Variants in ZNF473 observed in about 807,000 individuals in gnomAD.
ZNF473 encodes zinc finger protein 473, also known as zinc finger protein 100 homolog.
A neutral mutation model predicts 11.1 loss-of-function variants in ZNF473; 4 were observed. The ratio of observed to expected loss-of-function variants is 0.36; its 90% CI spans 0.18 to 0.82. The LOEUF is 0.82. Among genes scored for constraint, ZNF473 ranks in the 40% least tolerant of loss-of-function variants. The probability of loss-of-function intolerance (pLI) is 0.49; values close to 1 mark genes in which losing one functional copy is unlikely to be tolerated. For synonymous variants in ZNF473, 404 were observed against 390.4 expected (o/e 1.03, Z -0.41); for missense variants, 854 against 1,084.0 (o/e 0.79, Z 2.98).
In ZNF473 at chr19:50,045,502, G is replaced by A; in HGVS notation, c.1059G>A (p.Gln353=). The A allele has an allele frequency of 6.2e-7, 1 of 1,614,168 alleles. No homozygotes were observed. The highest frequency in any genetic ancestry group is 1.1e-5 in the South Asian group (1 of 91,088). ...TRKRYECSKC[Q]ATFNLRKHLI... is the part of the protein sequence containing the mutation. ...AACGCTATGAGTGTTCCAAGTGCCA[G>A]GCGACCTTCAACTTGAGAAAACACC... is the stretch of plus-strand genomic sequence containing the variant. The change falls in exon 5 of 5, where the codon CAG becomes CAA. Residue 353 remains glutamine, a synonymous_variant. Transcript: ENST00000270617.
intron 3 of ZNF473, among the ~76,000 whole-genome samples, chr19:50,040,002 G>C (rs991503793): frequency 6.6e-6 from 1 of 152,272 alleles, no homozygotes; most frequent in South Asian, 2.1e-4. Flanking sequence ...AAGAAGCTGG[G>C]TTGTCCCTCT....
Position 50,039,738 on chromosome 19 carries a change from C to G in ZNF473, c.136+451C>G, listed in dbSNP as rs1978669701. On this transcript the variant is annotated intron_variant, in intron 3 of 4. Transcript: ENST00000270617. This position sits in a 1 kb window ranked among gnomAD's most constrained non-coding sequence, Gnocchi z 4.8. ...CCCTCTGCCTAAGCGGCTCTCAGGG[C>G]TTACATTTTTAAAGTTTAACCTGGG... Among the ~76,000 whole-genome samples the G allele has an allele frequency of 6.6e-6, 1 of 152,238 alleles. No individual in the cohort carries two copies. The highest frequency in any genetic ancestry group is 2.1e-4 in the South Asian group (1 of 4,836).
At position 50,039,069 on chromosome 19, in the gene ZNF473, T is replaced by C; in HGVS notation, c.10-92T>C. On this transcript the variant is annotated intron_variant, in intron 2 of 4. Transcript: ENST00000270617. The surrounding 1 kb of genome is among the most constrained non-coding windows in gnomAD (Gnocchi z 4.8). ...GATGGGATGGTTTTTGCCAAAGCCC[T>C]GGCAGATTGAGGGCTGGGAGTGCCC... The C allele has an allele frequency of 6.5e-7, 1 of 1,540,938 alleles. No individual in the cohort carries two copies. The highest frequency in any genetic ancestry group is 1.8e-5 in the Admixed American group (1 of 56,778).
At chr19:50,026,488 T>C (rs1035209622) in intron 1 of ZNF473, among the ~76,000 whole-genome samples, 1 of 149,196 alleles carries the variant, frequency 6.7e-6, no homozygotes, top group Non-Finnish European at 1.5e-5. Flanking sequence ...GAGCTGGAGG[T>C]TGCAGTGAGC....
chr19:50,045,069 A>G lies in ZNF473; in HGVS notation c.626A>G (p.Tyr209Cys). ...TCTGTTCAGGAAGGGGAGAAACCATATCAATGTAGTGAATGTGGGAAAAGC... is the reference window on the plus strand; with the variant it reads ...TCTGTTCAGGAAGGGGAGAAACCATGTCAATGTAGTGAATGTGGGAAAAGC... ...QDSVQEGEKP[Y>C]QCSECGKSFS... Residue 209 changes from tyrosine to cysteine, a missense_variant, in exon 5 of 5, where the codon TAT becomes TGT. Around this residue, in one of 2 missense-constraint regions of ZNF473, gnomAD observed 668 missense variants for 790.2 expected, o/e 0.85. Transcript: ENST00000270617. 6.2e-7 allele frequency: 1 copy of G among 1,614,192 alleles called. No homozygotes were observed. Among genetic ancestry groups the G allele is most frequent in the African/African-American group, 1.3e-5 (1 of 75,058 alleles).
Position 50,045,337 on chromosome 19 carries a change from C to T in ZNF473, c.894C>T (p.Asp298=), listed in dbSNP as rs774192116. The change falls in exon 5 of 5, where the codon GAC becomes GAT. Residue 298 remains aspartate (D), a synonymous_variant. Coordinates refer to ENST00000270617, the MANE Select transcript of ZNF473 (RefSeq NM_015428.4). ...AACCATGTAAGAGTCAAGATAGTGA[C>T]CACCCACCCAGTCATGACACACAGC... ...GEKPCKSQDS[D]HPPSHDTQPG... is the part of the protein sequence containing the mutation. 2 of 1,614,130 alleles carry T rather than the reference C, an allele frequency of 1.2e-6. No individual in the cohort carries two copies. Among genetic ancestry groups the T allele is most frequent in the South Asian group, 1.1e-5 (1 of 91,076 alleles).
intron 2 of ZNF473, among the ~76,000 whole-genome samples, chr19:50,038,553 A>T (rs899082142): frequency 6.6e-6 from 1 of 152,208 alleles, no homozygotes; most frequent in Non-Finnish European, 1.5e-5. Context: ...AATCAGGAGC[A>T]TGGAGGATGT....
Position 50,045,452 on chromosome 19 carries a change from C to A in ZNF473, c.1009C>A (p.Arg337=). Residue 337 remains arginine (R), a synonymous_variant, in exon 5 of 5, where the codon CGG becomes AGG. Transcript: ENST00000270617. ...KAFTRIFHLT[R]HQKIHTRKRY... Reference sequence around the variant, plus strand: ...TTTTACCCGGATCTTCCACCTTACTCGGCACCAGAAGATCCACACTCGGAA... The same window carrying A: ...TTTTACCCGGATCTTCCACCTTACTAGGCACCAGAAGATCCACACTCGGAA... The A allele has an allele frequency of 1.2e-6, 2 of 1,613,652 alleles. No homozygotes were observed. The highest frequency in any genetic ancestry group is 1.7e-5 in the Admixed American group (1 of 59,980).
chr19:50,030,149 C>A (rs2077310479), intron 1 of ZNF473, among the ~76,000 whole-genome samples: 1 of 152,126 alleles, frequency 6.6e-6, no homozygotes, highest in African/African-American at 2.4e-5. Flanking sequence ...CTGTGCCTGG[C>A]CTATTCTACA....
chr19:50,026,412 G>A lies in ZNF473; in HGVS notation c.-192+290G>A, dbSNP rs976349947. 2.6e-5 allele frequency among the ~76,000 whole-genome samples: 4 copies of A among 152,228 alleles called. No homozygotes were observed. In the East Asian group the frequency reaches 7.7e-4, roughly 29 times the overall value. ...CTAAAAATACAAAAATTAGTTGAGC[G>A]TGGTGGCGGGGGCCTGTAATCCCAG... On this transcript the variant is annotated intron_variant, in intron 1 of 4. Coordinates refer to ENST00000270617, the MANE Select transcript of ZNF473 (RefSeq NM_015428.4).
intron 4 of ZNF473, 32 bp from the exon 5 acceptor site, chr19:50,044,638 T>G (rs112567725): frequency 6.5e-7 from 1 of 1,543,114 alleles, no homozygotes; most frequent in Non-Finnish European, 8.8e-7. Flanking sequence ...TCACCCTTAG[T>G]GAACAGGAGA....
chr19:50,046,556 A>G lies in ZNF473; in HGVS notation c.2113A>G (p.Asn705Asp), dbSNP rs1311974891. The change falls in exon 5 of 5, where the codon AAC (asparagine) becomes GAC (aspartate). Residue 705 changes from asparagine to aspartate, a missense_variant. Around this residue, in one of 2 missense-constraint regions of ZNF473, gnomAD observed 186 missense variants for 293.8 expected, o/e 0.63. Coordinates refer to ENST00000270617, the MANE Select transcript of ZNF473 (RefSeq NM_015428.4). The surrounding 1 kb of genome is among the most constrained non-coding windows in gnomAD (Gnocchi z 5.9). ...TGCCAGAAAGAAGCCGTTGGTGTGT[A>G]ACGAATGCGGGAAAACGTTCCGTCA... is the stretch of plus-strand genomic sequence containing the variant. ...THARKKPLVC[N>D]ECGKTFRQSS... 1 of 1,614,214 alleles carries G rather than the reference A, an allele frequency of 6.2e-7. No homozygotes were observed. Among genetic ancestry groups the G allele is most frequent in the Admixed American group, 1.7e-5 (1 of 60,028 alleles).
intron 3 of ZNF473, among the ~76,000 whole-genome samples, chr19:50,040,117 C>A (rs1451703623): frequency 6.6e-6 from 1 of 152,232 alleles, no homozygotes; most frequent in East Asian, 1.9e-4. Context: ...GCTAGGATTC[C>A]CAGGACTCAT....
chr19:50,030,868 T>A, intron 1 of ZNF473, 24 bp from the exon 2 acceptor site: 1 of 646,964 alleles, frequency 1.5e-6, no homozygotes, highest in Non-Finnish European at 2.7e-6. Context: ...CTTCAGTAAA[T>A]ATAGTTGTTG....
chr19:50,046,110 A>G lies in ZNF473; in HGVS notation c.1667A>G (p.Glu556Gly), dbSNP rs558955533. The change falls in exon 5 of 5, where the codon GAA becomes GGA. Residue 556 changes from glutamate to glycine, a missense_variant. Physicochemically the swap from Glu to Gly is moderately conservative, Grantham distance 98 (BLOSUM62 -2). Around this residue, in one of 2 missense-constraint regions of ZNF473, gnomAD observed 668 missense variants for 790.2 expected, o/e 0.85. Transcript: ENST00000270617. This position sits in a 1 kb window ranked among gnomAD's most constrained non-coding sequence, Gnocchi z 5.9. ...GGGAAGATCTTGGATCAGAACCCAG[A>G]ACAGAAAGAGAAGTGCTTTAAGTGT... The part of the protein sequence containing the change: ...VSGKILDQNP[E>G]QKEKCFKCNK... 6.2e-7 allele frequency: 1 copy of G among 1,614,230 alleles called. No homozygotes were observed. The highest frequency in any genetic ancestry group is 2.2e-5 in the East Asian group (1 of 44,894).
In ZNF473 at chr19:50,045,435, G is replaced by A. The variant is rs377382579; in HGVS notation, c.992G>A (p.Arg331Gln). Residue 331 changes from arginine (R) to glutamine (Q), a missense_variant, in exon 5 of 5, where the codon CGG (arginine) becomes CAG (glutamine). This residue lies in a region of ZNF473 where 668 missense variants were observed against 790.2 expected (regional missense o/e 0.85). Transcript: ENST00000270617. ...AACGAATGCGGCAAGGCTTTTACCC[G>A]GATCTTCCACCTTACTCGGCACCAG... ...NCNECGKAFT[R>Q]IFHLTRHQKI... The A allele has an allele frequency of 1.1e-4, 176 of 1,613,962 alleles. 2 individuals are homozygous for A. In the South Asian group the frequency reaches 1.5e-3, roughly 14 times the overall value.
At chr19:50,027,238 A>G (rs1337836067) in intron 1 of ZNF473, among the ~76,000 whole-genome samples, 1 of 152,198 alleles carries the variant, frequency 6.6e-6, no homozygotes, top group Non-Finnish European at 1.5e-5. Context: ...AGGTGTGAAT[A>G]TTCACACTTA....
chr19:50,032,944 A>G (rs1337928104), intron 2 of ZNF473, among the ~76,000 whole-genome samples: 1 of 152,028 alleles, frequency 6.6e-6, no homozygotes, highest in Non-Finnish European at 1.5e-5. Flanking sequence ...TCTCCTTTTT[A>G]TAACAACTTC....
chr19:50,028,175 G>T (rs891068549), intron 1 of ZNF473, among the ~76,000 whole-genome samples: 1 of 151,854 alleles, frequency 6.6e-6, no homozygotes, highest in Non-Finnish European at 1.5e-5. Flanking sequence ...GCAGGCGCTT[G>T]TAGTCCCAGC....
Sources: allele counts gnomAD v4.1 joint callset (sites outside exome capture counted in the v4.1 genomes callset), GRCh38; gene constraint gnomAD v4.1.1; regional missense constraint gnomAD v4.1.1; non-coding constraint Gnocchi (gnomAD v3.1); transcripts MANE v1.5; gene names NCBI Gene and HGNC (gene_info 2026-07-23, HGNC 2026-07-21).